TSPAN9: variants seen among roughly 807,000 people sequenced by gnomAD.
TSPAN9 encodes tetraspanin 9.
Under a neutral mutation model 31.0 loss-of-function variants are expected in TSPAN9, and 16 were observed. The ratio of observed to expected loss-of-function variants is 0.52; its 90% confidence interval spans 0.35 to 0.78. The LOEUF (loss-of-function observed/expected upper bound fraction) is 0.78, where lower values mean the gene tolerates loss of function less well. TSPAN9 is among the 30% of genes least tolerant of loss of function. The pLI is 0.01. For synonymous variants in TSPAN9, 145 were observed against 121.6 expected (o/e 1.19, Z -1.27); for missense variants, 272 against 312.5 (o/e 0.87, Z 0.98).
At chr12:3,271,701 C>G (rs1241333733) in intron 3 of TSPAN9, among the ~76,000 whole-genome samples, 4 of 152,098 alleles carry the variant, frequency 2.6e-5, no homozygotes, top group Non-Finnish European at 5.9e-5. Context: ...TGACTTTGTC[C>G]CTTCATTTCT....
In TSPAN9 at chr12:3,192,665, A is replaced by G. The variant is rs938550541; in HGVS notation, c.-17-8512A>G. On this transcript the variant is annotated intron_variant, in intron 2 of 8. Transcript: ENST00000011898. This position sits in a 1 kb window ranked among gnomAD's most constrained non-coding sequence, Gnocchi z 4.6. ...AGTTGGGGACCTGTGCTTGGGGCTC[A>G]GGAGACAAGTCAGGTCCAGGTGTGC... 2.6e-5 allele frequency among the ~76,000 whole-genome samples: 4 copies of G among 152,130 alleles called. No individual in the cohort carries two copies. The highest frequency in any genetic ancestry group is 9.7e-5 in the African/African-American group (4 of 41,440).
chr12:3,233,600 T>G (rs1469898257), intron 3 of TSPAN9, among the ~76,000 whole-genome samples: 3 of 152,268 alleles, frequency 2.0e-5, no homozygotes, highest in African/African-American at 7.2e-5. Flanking sequence ...GATTCATCCA[T>G]GTAATGTTTG....
intron 3 of TSPAN9, among the ~76,000 whole-genome samples, chr12:3,264,583 G>A (rs1862508681): frequency 6.6e-6 from 1 of 152,186 alleles, no homozygotes; most frequent in Non-Finnish European, 1.5e-5. Flanking sequence ...AGGCCCAGGA[G>A]CAGCCTCTGT....
At chr12:3,087,109 GTGAC>G (rs1051211429) in intron 2 of TSPAN9, among the ~76,000 whole-genome samples, 5 of 152,240 alleles carry the variant, frequency 3.3e-5, no homozygotes, top group African/African-American at 1.2e-4. Flanking sequence ...GTGGGTGTTA[GTGAC>G]TATGTGCACA....
At chr12:3,188,230 ACATTCATT>A (rs140219018) in intron 2 of TSPAN9, among the ~76,000 whole-genome samples, 2,739 of 152,182 alleles carry the variant, frequency 0.018, 107 homozygotes, top group African/African-American at 0.063. Context: ...AGGCATGCTC[ACATTCATT>A]CATTCATTCA....
chr12:3,157,826 G>T (rs927429631), intron 2 of TSPAN9, among the ~76,000 whole-genome samples: 5 of 152,184 alleles, frequency 3.3e-5, no homozygotes, highest in Non-Finnish European at 7.3e-5. Flanking sequence ...TGTCCAGGAC[G>T]CATTTATGCC....
intron 2 of TSPAN9, among the ~76,000 whole-genome samples, chr12:3,114,366 A>G (rs1400664676): frequency 6.6e-6 from 1 of 152,190 alleles, no homozygotes; most frequent in Admixed American, 6.5e-5. Context: ...ATACAGAGAC[A>G]GGCGATGGGC....
At chr12:3,209,845 G>C (rs2098377445) in intron 3 of TSPAN9, among the ~76,000 whole-genome samples, 1 of 151,304 alleles carries the variant, frequency 6.6e-6, no homozygotes, top group Admixed American at 6.6e-5. Context: ...TGTAGTCCCA[G>C]CTACTCGGGA....
At chr12:3,265,495 C>T (rs1388335358) in intron 3 of TSPAN9, among the ~76,000 whole-genome samples, 1 of 152,194 alleles carries the variant, frequency 6.6e-6, no homozygotes, top group African/African-American at 2.4e-5. Context: ...CACTGAGCTG[C>T]AAATTTGTTT....
At chr12:3,099,205 A>G (rs76762897) in intron 2 of TSPAN9, among the ~76,000 whole-genome samples, 1 of 151,642 alleles carries the variant, frequency 6.6e-6, no homozygotes, top group Non-Finnish European at 1.5e-5. Context: ...TAGGTTGCTG[A>G]TGTTATTTTT....
intron 2 of TSPAN9, among the ~76,000 whole-genome samples, chr12:3,085,324 G>C (rs1302018296): frequency 6.6e-6 from 1 of 151,968 alleles, no homozygotes; most frequent in East Asian, 1.9e-4. Flanking sequence ...CTGCCAGACA[G>C]AACTTGGTGA....
At chr12:3,228,859 G>A (rs773378949) in intron 3 of TSPAN9, among the ~76,000 whole-genome samples, 4 of 152,188 alleles carry the variant, frequency 2.6e-5, no homozygotes, top group East Asian at 1.9e-4. Flanking sequence ...TGCTCCCTTC[G>A]AAGGCTCTAG....
intron 3 of TSPAN9, among the ~76,000 whole-genome samples, chr12:3,242,479 A>C (rs2098397073): frequency 6.6e-6 from 1 of 152,204 alleles, no homozygotes; most frequent in South Asian, 2.1e-4. Context: ...CGGCCAGTCC[A>C]AGCTCCCACA....
chr12:3,254,149 G>A (rs1401788013), intron 3 of TSPAN9, among the ~76,000 whole-genome samples: 1 of 152,268 alleles, frequency 6.6e-6, no homozygotes, highest in Non-Finnish European at 1.5e-5. Context: ...GGCTGGTTCT[G>A]TAAATGGTGC....
chr12:3,228,297 C>T (rs536163421), intron 3 of TSPAN9, among the ~76,000 whole-genome samples: 22 of 152,164 alleles, frequency 1.4e-4, no homozygotes, highest in South Asian at 2.1e-4. Context: ...CCCGGGAGAT[C>T]GAGGCTGCAG....
intron 2 of TSPAN9, among the ~76,000 whole-genome samples, chr12:3,089,111 A>G (rs2098302450): frequency 6.6e-6 from 1 of 151,332 alleles, no homozygotes; most frequent in Non-Finnish European, 1.5e-5. Context: ...GGGCGCCTGT[A>G]GTCCCAGCCA....
intron 2 of TSPAN9, among the ~76,000 whole-genome samples, chr12:3,175,990 C>T (rs1450474357): frequency 6.6e-6 from 1 of 152,200 alleles, no homozygotes; most frequent in Non-Finnish European, 1.5e-5. Context: ...CCAGTACAAG[C>T]CCTGCCCATC....
chr12:3,259,995 A>G (rs1266263654), intron 3 of TSPAN9, among the ~76,000 whole-genome samples: 2 of 152,212 alleles, frequency 1.3e-5, no homozygotes, highest in Admixed American at 1.3e-4. Context: ...TCACTGATGG[A>G]TGAAAGAGTC....
chr12:3,158,913 C>T (rs988789117), intron 2 of TSPAN9, among the ~76,000 whole-genome samples: 9 of 151,528 alleles, frequency 5.9e-5, no homozygotes, highest in African/African-American at 1.5e-4. Flanking sequence ...TTGTAAAGTG[C>T]GTCTTGCTTG....
Sources: allele counts gnomAD v4.1 joint callset (sites outside exome capture counted in the v4.1 genomes callset), GRCh38; gene constraint gnomAD v4.1.1; non-coding constraint Gnocchi (gnomAD v3.1); transcripts MANE v1.5; gene names NCBI Gene and HGNC (gene_info 2026-07-23, HGNC 2026-07-21).